ATG14: variants seen among roughly 807,000 people sequenced by gnomAD.
The protein encoded by ATG14 is beclin 1-associated autophagy-related key regulator.
Under a neutral mutation model 60.4 loss-of-function variants are expected in ATG14, and 35 were observed. The ratio of observed to expected loss-of-function variants is 0.58; its 90% CI spans 0.44 to 0.77. ATG14 has a LOEUF of 0.77. Among genes scored for constraint, ATG14 ranks in the 30% least tolerant of loss-of-function variants. ATG14 has a pLI of 0.00. For synonymous variants in ATG14, 234 were observed against 228.8 expected, an observed-to-expected ratio of 1.02 and a Z score of -0.21; for missense variants, 647 against 626.3, an observed-to-expected ratio of 1.03 and a Z score of -0.35.
At chr14:55,375,880 A>G (rs1452068977) in intron 9 of ATG14, among the ~76,000 whole-genome samples, 1 of 152,228 alleles carries the variant, frequency 6.6e-6, no homozygotes, top group Non-Finnish European at 1.5e-5. Flanking sequence ...CTATGTAAGT[A>G]ACGTGCCATG....
Position 55,369,787 on chromosome 14 carries a change from G to T in ATG14, c.1311C>A (p.Asn437Lys). The change falls in exon 10 of 10, where the codon AAC becomes AAA. Residue 437 changes from asparagine (N) to lysine (K), a missense_variant. By Grantham distance (94) the Asn-to-Lys change is moderately conservative. Coordinates refer to ENST00000247178, the MANE Select transcript of ATG14 (RefSeq NM_014924.5). Reference protein sequence around the residue: ...EETDLGTDWENLPSPRFCDIP... With the variant: ...EETDLGTDWEKLPSPRFCDIP... ...TATCACAAAACCGGGGACTAGGCAA[G>T]TTCTCCCAGTCTGTGCCCAGGTCGG... 1 of 1,614,200 alleles carries T rather than the reference G, an allele frequency of 6.2e-7. No homozygotes were observed. Among genetic ancestry groups the T allele is most frequent in the Non-Finnish European group, 8.5e-7 (1 of 1,180,032 alleles).
intron 1 of ATG14, among the ~76,000 whole-genome samples, chr14:55,405,960 G>T (rs916973558): frequency 6.6e-6 from 1 of 152,092 alleles, no homozygotes; most frequent in East Asian, 1.9e-4. Flanking sequence ...GGGCAAGGTG[G>T]GGGATGAGGA....
chr14:55,411,664 C>G lies in ATG14; in HGVS notation c.159G>C (p.Leu53=). 1 of 1,613,460 alleles carries G rather than the reference C, an allele frequency of 6.2e-7. No homozygotes were observed. The highest frequency in any genetic ancestry group is 8.5e-7 in the Non-Finnish European group (1 of 1,179,908). ...CPLCNTTRRR[L]TCAKCVQSGD... ...CGCTCTGAACGCATTTGGCGCAGGT[C>G]AGCCGCCGGCGGGTAGTGTTGCACA... is the stretch of plus-strand genomic sequence containing the variant. The change falls in exon 1 of 10, where the codon CTG becomes CTC. Residue 53 remains leucine, a synonymous_variant. Transcript: ENST00000247178.
chr14:55,408,865 CCTTAGAGT>C (rs1325900295), intron 1 of ATG14, among the ~76,000 whole-genome samples: 5 of 152,188 alleles, frequency 3.3e-5, no homozygotes, highest in Admixed American at 6.5e-5. Context: ...TTAAACTCAA[CCTTAGAGT>C]CTAAATTAGA....
rs1413400664 is a variant in ATG14, at chr14:55,367,406, CA to C, written c.*2212del. On this transcript the variant is annotated 3_prime_UTR_variant, in exon 10 of 10. Transcript: ENST00000247178. ...GGAAAATGGAAGCCCAGCAATCAATCATGAAGCTGAGCACTTAAAACAGAGA... is the reference window on the plus strand; with the variant it reads ...GGAAAATGGAAGCCCAGCAATCAATCTGAAGCTGAGCACTTAAAACAGAGA... 3.3e-5 allele frequency: 5 copies of C among 152,250 alleles called. No homozygotes were observed. Among genetic ancestry groups the C allele is most frequent in the African/African-American group, 1.2e-4 (5 of 41,452 alleles). The allele number at this position is 152,250 out of a possible 1,614,324, so 9.4% of individuals were successfully genotyped here.
intron 7 of ATG14, 81 bp from the exon 8 acceptor site, chr14:55,378,155 G>A: frequency 8.5e-7 from 1 of 1,177,286 alleles, no homozygotes; most frequent in South Asian, 1.3e-5. Flanking sequence ...AGTACAATTA[G>A]GTATAACACA....
intron 3 of ATG14, among the ~76,000 whole-genome samples, chr14:55,395,479 A>T (rs775424099): frequency 3.5e-4 from 54 of 152,182 alleles, no homozygotes; most frequent in Middle Eastern, 6.4e-3. Flanking sequence ...CAGCCTCCCA[A>T]GTAGCTGGGA....
At chr14:55,394,221 G>A (rs1885274547) in intron 3 of ATG14, among the ~76,000 whole-genome samples, 2 of 151,212 alleles carry the variant, frequency 1.3e-5, no homozygotes, top group South Asian at 4.2e-4. Flanking sequence ...TGGTCAGGCT[G>A]GTCTCGAACT....
At chr14:55,377,572 T>C (rs1309577797) in intron 9 of ATG14, among the ~76,000 whole-genome samples, 2 of 152,158 alleles carry the variant, frequency 1.3e-5, no homozygotes, top group Non-Finnish European at 2.9e-5. Flanking sequence ...CAGGAACATG[T>C]GGGTTCTTCA....
intron 9 of ATG14, among the ~76,000 whole-genome samples, chr14:55,375,947 T>G (rs1484283672): frequency 2.0e-5 from 3 of 152,248 alleles, no homozygotes; most frequent in Non-Finnish European, 4.4e-5. Flanking sequence ...AATCTACTTT[T>G]AACTTGCTAG....
intron 5 of ATG14, among the ~76,000 whole-genome samples, chr14:55,385,289 GTTTT>G (rs543895212): frequency 1.3e-5 from 2 of 151,212 alleles, no homozygotes; most frequent in Non-Finnish European, 3.0e-5. Flanking sequence ...TGGTTCTCTG[GTTTT>G]TTTTTGTTTG....
intron 5 of ATG14, among the ~76,000 whole-genome samples, chr14:55,383,959 G>A (rs1398955417): frequency 1.3e-5 from 2 of 152,180 alleles, no homozygotes; most frequent in Admixed American, 6.5e-5. Flanking sequence ...GCTGCACCAA[G>A]TTTAGATTCT....
intron 4 of ATG14, 50 bp from the exon 5 acceptor site, chr14:55,386,146 T>C: frequency 6.8e-7 from 1 of 1,475,500 alleles, no homozygotes; most frequent in South Asian, 1.2e-5. Context: ...ACAGTTCCTG[T>C]GTACTGCAGA....
At chr14:55,393,204 A>AC (rs898783686) in intron 3 of ATG14, among the ~76,000 whole-genome samples, 1 of 145,604 alleles carries the variant, frequency 6.9e-6, no homozygotes, top group Admixed American at 6.9e-5. Flanking sequence ...ACACGGTGAA[A>AC]CCCCGTCTCT....
In ATG14 at chr14:55,385,854, T is replaced by A; in HGVS notation, c.647+5A>T. 1 of 1,599,894 alleles carries A rather than the reference T, an allele frequency of 6.3e-7. No homozygotes were observed. The highest frequency in any genetic ancestry group is 8.5e-7 in the Non-Finnish European group (1 of 1,171,946). On this transcript the variant is annotated splice_donor_5th_base_variant and intron_variant, in intron 5 of 9. Transcript: ENST00000247178. ...TCCTGGAGTCAAAAGACTTGCTTAA[T>A]GTACCTCACACCCGTCTTTACTTCC...
chr14:55,383,992 C>T (rs1885081018), intron 5 of ATG14, among the ~76,000 whole-genome samples: 1 of 152,132 alleles, frequency 6.6e-6, no homozygotes, highest in African/African-American at 2.4e-5. Context: ...AGTGGTTCTT[C>T]GTATCTTTCC....
rs1158160584 is a variant in ATG14, at chr14:55,368,582, G to A, written c.*1037C>T. On this transcript the variant is annotated 3_prime_UTR_variant, in exon 10 of 10. Transcript: ENST00000247178. Reference sequence around the variant, plus strand: ...AGAGCAGAGTAGCATCAGCCGTAAGGATCTGCGCTGCATTTCTGAGCAAAG... The same window carrying A: ...AGAGCAGAGTAGCATCAGCCGTAAGAATCTGCGCTGCATTTCTGAGCAAAG... The A allele has an allele frequency of 6.6e-6, 1 of 152,188 alleles. No homozygotes were observed. Among genetic ancestry groups the A allele is most frequent in the Non-Finnish European group, 1.5e-5 (1 of 68,038 alleles). The allele number at this position is 152,188 out of a possible 1,614,324, so 9.4% of individuals were successfully genotyped here.
intron 1 of ATG14, among the ~76,000 whole-genome samples, chr14:55,407,501 G>A (rs1885509963): frequency 1.3e-5 from 2 of 152,192 alleles, no homozygotes; most frequent in Non-Finnish European, 2.9e-5. Context: ...CTGGCCTCAA[G>A]TGATCCGCCT....
Position 55,385,939 on chromosome 14 carries a change from A to T in ATG14, c.567T>A (p.Arg189=), listed in dbSNP as rs1262238301. ...KTIDLRSHYE[R]LANLRRSHIL... is the part of the protein sequence containing the mutation. ...TATGGGATCGTCGAAGATTTGCCAG[A>T]CGCTCATAATGACTTCTTAAGTCAA... Residue 189 remains arginine (R), a synonymous_variant, in exon 5 of 10, where the codon CGT becomes CGA. Transcript: ENST00000247178. 6.2e-7 allele frequency: 1 copy of T among 1,614,066 alleles called. No individual in the cohort carries two copies. Among genetic ancestry groups the T allele is most frequent in the East Asian group, 2.2e-5 (1 of 44,900 alleles).
Sources: allele counts gnomAD v4.1 joint callset (sites outside exome capture counted in the v4.1 genomes callset), GRCh38; gene constraint gnomAD v4.1.1; transcripts MANE v1.5; gene names NCBI Gene and HGNC (gene_info 2026-07-23, HGNC 2026-07-21).